Variants in ZNF423 observed in about 807,000 individuals in gnomAD.
The protein encoded by ZNF423 is Ebf-associated zinc finger protein.
Under a neutral mutation model 95.8 loss-of-function variants are expected in ZNF423, and 12 were observed. That is an observed-to-expected ratio of 0.13 (90% confidence interval 0.08 to 0.20). The LOEUF (loss-of-function observed/expected upper bound fraction) is 0.20, where lower values mean the gene tolerates loss of function less well. ZNF423 is among the 10% of genes least tolerant of loss of function. The probability of loss-of-function intolerance (pLI) is 1.00; values close to 1 mark genes in which losing one functional copy is unlikely to be tolerated. For synonymous variants in ZNF423, 749 were observed against 711.9 expected (o/e 1.05, Z -0.83); for missense variants, 1,316 against 1,737.1 (o/e 0.76, Z 4.31).
At chr16:49,576,199 C>G (rs1190835350) in intron 5 of ZNF423, among the ~76,000 whole-genome samples, 1 of 152,228 alleles carries the variant, frequency 6.6e-6, no homozygotes, top group East Asian at 1.9e-4. Context: ...CTGCTGCCCG[C>G]ATTGACCACT....
At chr16:49,775,126 C>T (rs577499545) in intron 2 of ZNF423, among the ~76,000 whole-genome samples, 8 of 152,260 alleles carry the variant, frequency 5.3e-5, no homozygotes, top group South Asian at 2.1e-4. Context: ...CACTGAGGCA[C>T]GGAGCATTTT....
chr16:49,756,037 G>T (rs1008552022), intron 2 of ZNF423, among the ~76,000 whole-genome samples: 1 of 152,202 alleles, frequency 6.6e-6, no homozygotes, highest in African/African-American at 2.4e-5. Context: ...TGAAAGCCAG[G>T]CTGAGTCCAA....
At chr16:49,556,490 G>C (rs1179264168) in intron 5 of ZNF423, among the ~76,000 whole-genome samples, 1 of 152,072 alleles carries the variant, frequency 6.6e-6, no homozygotes, top group African/African-American at 2.4e-5. Flanking sequence ...CAACTCGGAG[G>C]CCCCCACAGC....
intron 7 of ZNF423, among the ~76,000 whole-genome samples, chr16:49,498,007 C>T (rs1166435465): frequency 6.6e-6 from 1 of 152,136 alleles, no homozygotes. Flanking sequence ...TTAAGGACAG[C>T]CCAGGTGAGG....
chr16:49,634,096 C>G (rs182630097), intron 4 of ZNF423, among the ~76,000 whole-genome samples: 1 of 151,724 alleles, frequency 6.6e-6, no homozygotes, highest in Non-Finnish European at 1.5e-5. Flanking sequence ...TTAGTAGAGA[C>G]GGGGTTTCAC....
chr16:49,741,194 C>T (rs2143491517), intron 2 of ZNF423, among the ~76,000 whole-genome samples: 1 of 105,802 alleles, frequency 9.5e-6, no homozygotes, highest in Admixed American at 9.3e-5. Flanking sequence ...AACACACCTG[C>T]TGCTTTTTTT....
intron 5 of ZNF423, among the ~76,000 whole-genome samples, chr16:49,566,730 G>A (rs1305260465): frequency 1.3e-5 from 2 of 152,158 alleles, no homozygotes; most frequent in African/African-American, 2.4e-5. Flanking sequence ...GTGCTGATGC[G>A]CAGCCAGTGA....
intron 1 of ZNF423, among the ~76,000 whole-genome samples, chr16:49,803,666 CCCA>C (rs2034614121): frequency 6.6e-6 from 1 of 152,106 alleles, no homozygotes; most frequent in Non-Finnish European, 1.5e-5. Context: ...ACAAGTGTTA[CCCA>C]TCACTGTGCC....
chr16:49,618,065 G>C (rs1177896593), intron 5 of ZNF423, among the ~76,000 whole-genome samples: 1 of 152,190 alleles, frequency 6.6e-6, no homozygotes, highest in Non-Finnish European at 1.5e-5. Flanking sequence ...CTTGTGCAAG[G>C]CCACATTATC....
intron 5 of ZNF423, among the ~76,000 whole-genome samples, chr16:49,623,172 C>T (rs1264887667): frequency 6.6e-6 from 1 of 152,204 alleles, no homozygotes; most frequent in African/African-American, 2.4e-5. Context: ...CCACTCCCTG[C>T]TGCCTGCTCT....
At chr16:49,519,408 G>A (rs1968292835) in intron 7 of ZNF423, among the ~76,000 whole-genome samples, 1 of 152,208 alleles carries the variant, frequency 6.6e-6, no homozygotes, top group African/African-American at 2.4e-5. Context: ...CCAGCAATGT[G>A]TGAAAGTTCC....
chr16:49,703,413 T>A (rs1425851525), intron 3 of ZNF423, among the ~76,000 whole-genome samples: 2 of 152,194 alleles, frequency 1.3e-5, no homozygotes, highest in African/African-American at 4.8e-5. Flanking sequence ...CAGGGCAGGG[T>A]GCCCATCCAC....
In ZNF423 at chr16:49,637,682, G is replaced by A. The variant is rs34742420; in HGVS notation, c.1494C>T (p.Ala498=). ...FHCNYCPEMF[A]DINSLQEHIR... Reference sequence around the variant, plus strand: ...TGTGCTCCTGCAGGCTATTGATGTCGGCGAACATCTCGGGGCAGTAGTTGC... The same window carrying A: ...TGTGCTCCTGCAGGCTATTGATGTCAGCGAACATCTCGGGGCAGTAGTTGC... The change falls in exon 4 of 8, where the codon GCC becomes GCT. Residue 498 remains alanine (A), a synonymous_variant. Transcript: ENST00000563137. This position sits in a 1 kb window ranked among gnomAD's most constrained non-coding sequence, Gnocchi z 5.6. The A allele has an allele frequency of 1.9e-5, 31 of 1,613,992 alleles. No homozygotes were observed. Among genetic ancestry groups the A allele is most frequent in the Admixed American group, 8.3e-5 (5 of 60,002 alleles).
chr16:49,722,168 C>G (rs1467887422), intron 3 of ZNF423, among the ~76,000 whole-genome samples: 4 of 152,162 alleles, frequency 2.6e-5, no homozygotes, highest in African/African-American at 9.7e-5. Context: ...CCGGATGGTT[C>G]CCCATCAGAA....
At chr16:49,707,352 G>A (rs113383321) in intron 3 of ZNF423, among the ~76,000 whole-genome samples, 1 of 152,134 alleles carries the variant, frequency 6.6e-6, no homozygotes, top group South Asian at 2.1e-4. Flanking sequence ...GGTGGCTCAC[G>A]CCTGTAATCC....
chr16:49,589,669 G>A (rs1406516659), intron 5 of ZNF423, among the ~76,000 whole-genome samples: 1 of 152,126 alleles, frequency 6.6e-6, no homozygotes, highest in Non-Finnish European at 1.5e-5. Flanking sequence ...CTGAGCCATA[G>A]CAAGGCTGAT....
chr16:49,666,363 G>A (rs75806569), intron 3 of ZNF423, among the ~76,000 whole-genome samples: 299 of 152,184 alleles, frequency 2.0e-3, no homozygotes, highest in African/African-American at 6.7e-3. Flanking sequence ...ACACACCTAC[G>A]ACATACAGCC....
At chr16:49,683,012 A>G (rs2031429022) in intron 3 of ZNF423, among the ~76,000 whole-genome samples, 1 of 152,134 alleles carries the variant, frequency 6.6e-6, no homozygotes, top group Non-Finnish European at 1.5e-5. Context: ...CTGTGCCAAT[A>G]AAGAAGGGGC....
intron 3 of ZNF423, among the ~76,000 whole-genome samples, chr16:49,707,121 T>C (rs1404615522): frequency 6.6e-6 from 1 of 152,102 alleles, no homozygotes; most frequent in East Asian, 1.9e-4. Flanking sequence ...CCCCATGCCA[T>C]GCCCTCACCT....
Sources: gnomAD v4.1 joint callset for allele counts (sites outside exome capture counted in the v4.1 genomes callset) on GRCh38, gnomAD v4.1.1 for gene constraint, Gnocchi (gnomAD v3.1) non-coding constraint, MANE v1.5 for transcripts, NCBI Gene and HGNC (gene_info 2026-07-23, HGNC 2026-07-21) for gene names.